Variants in KCNIP4 observed in about 807,000 individuals in gnomAD.
KCNIP4 encodes potassium voltage-gated channel interacting protein 4.
A neutral mutation model predicts 34.0 loss-of-function variants in KCNIP4; 12 were observed. The ratio of observed to expected loss-of-function variants is 0.35; its 90% CI spans 0.23 to 0.57. The LOEUF (loss-of-function observed/expected upper bound fraction) is 0.57. Ranked by LOEUF, KCNIP4 falls within the 20% of genes least tolerant of loss-of-function variation. The probability of loss-of-function intolerance (pLI) is 0.83; values close to 1 mark genes in which losing one functional copy is unlikely to be tolerated. For synonymous variants in KCNIP4, 124 were observed against 102.2 expected (o/e 1.21, Z -1.29); for missense variants, 238 against 311.7 (o/e 0.76, Z 1.78).
chr4:20,835,108 C>G (rs1430596099), intron 3 of KCNIP4, among the ~76,000 whole-genome samples: 1 of 152,196 alleles, frequency 6.6e-6, no homozygotes, highest in East Asian at 1.9e-4. Context: ...AGTCACCTCT[C>G]TGTCCTTATC....
In KCNIP4 at chr4:20,825,225, G is replaced by GTTT. The variant is rs71181592; in HGVS notation, c.288+25315_288+25317dup. The stretch of plus-strand genomic sequence containing the variant: ...AAAGGATTGACCTGGTCAATTTTAC[G>GTTT]TTTTTTTTTTTTTTTTTTTTTTTTG... On this transcript the variant is annotated intron_variant, in intron 3 of 8. Transcript: ENST00000382152. Among the ~76,000 whole-genome samples, 472 of 113,584 alleles carry GTTT rather than the reference G, an allele frequency of 4.2e-3. 17 individuals carry two copies. Among genetic ancestry groups the GTTT allele is most frequent in the African/African-American group, 0.013 (368 of 28,954 alleles). 74.5% of individuals were successfully genotyped at this position (113,584 alleles called of 152,430 possible). A position where few individuals can be genotyped will look rare whatever the true frequency, so the allele number is the denominator to read the frequency against.
chr4:21,656,389 T>C (rs1747938202), intron 1 of KCNIP4: 1 of 152,344 alleles, frequency 6.6e-6, no homozygotes, highest in East Asian at 1.9e-4. Context: ...TAAAGTTGCA[T>C]TCTGAAATAT....
intron 1 of KCNIP4, among the ~76,000 whole-genome samples, chr4:21,854,986 C>T (rs1560764579): frequency 6.6e-6 from 1 of 152,210 alleles, no homozygotes; most frequent in Non-Finnish European, 1.5e-5. Flanking sequence ...ATGGAAATGG[C>T]TGTTGATTTT....
At chr4:21,757,842 T>C (rs2109161726) in intron 1 of KCNIP4, among the ~76,000 whole-genome samples, 1 of 152,260 alleles carries the variant, frequency 6.6e-6, no homozygotes, top group Non-Finnish European at 1.5e-5. Flanking sequence ...ATAGAACTGT[T>C]CAGAACTTTT....
intron 1 of KCNIP4, among the ~76,000 whole-genome samples, chr4:21,279,231 G>T (rs1403104604): frequency 6.6e-6 from 1 of 152,120 alleles, no homozygotes; most frequent in East Asian, 1.9e-4. Context: ...CAAGGAAATT[G>T]CATCTATGAA....
chr4:21,063,549 T>A (rs1182751002), intron 1 of KCNIP4, among the ~76,000 whole-genome samples: 3 of 152,204 alleles, frequency 2.0e-5, no homozygotes, highest in Non-Finnish European at 4.4e-5. Context: ...GAGCAGAGGA[T>A]GCTAATCACA....
chr4:21,019,279 C>T (rs1415325968), intron 1 of KCNIP4, among the ~76,000 whole-genome samples: 2 of 152,014 alleles, frequency 1.3e-5, no homozygotes, highest in Non-Finnish European at 2.9e-5. Context: ...TCTCAACTTC[C>T]TGAGTAGCTG....
Position 21,264,570 on chromosome 4 carries a change from T to G in KCNIP4, c.62-381861A>C, listed in dbSNP as rs1240648593. ...CTGTGTAAAATGAGGATGAAAATAC[T>G]ACACCCACCATGCTCATCAAGGTGT... On this transcript the variant is annotated intron_variant, in intron 1 of 8. Coordinates refer to ENST00000382152, the MANE Select transcript of KCNIP4 (RefSeq NM_025221.6). 3.9e-5 allele frequency among the ~76,000 whole-genome samples: 6 copies of G among 152,188 alleles called. 1 individual carries two copies.
At chr4:21,724,660 T>A (rs1306777264) in intron 1 of KCNIP4, among the ~76,000 whole-genome samples, 1 of 152,070 alleles carries the variant, frequency 6.6e-6, no homozygotes, top group Non-Finnish European at 1.5e-5. Flanking sequence ...AAAGTTACTA[T>A]TAAATTCTTG....
intron 1 of KCNIP4, among the ~76,000 whole-genome samples, chr4:21,459,753 G>T (rs958283324): frequency 2.6e-5 from 4 of 151,932 alleles, no homozygotes; most frequent in Admixed American, 2.6e-4. Context: ...TATCATGATT[G>T]TCTTTTCTTT....
At position 20,777,816 on chromosome 4, in the gene KCNIP4, A is replaced by G. The variant is rs1426564212; in HGVS notation, c.289-18926T>C. Among the ~76,000 whole-genome samples the G allele has an allele frequency of 2.0e-5, 3 of 152,192 alleles. No individual in the cohort carries two copies. The East Asian group carries it at 5.8e-4, about 29-fold the overall frequency. On this transcript the variant is annotated intron_variant, in intron 3 of 8. Transcript: ENST00000382152. ...GAAGTTGGGAAACCAGTAATTAGAA[A>G]GGAGTTTGGAACTCAGGTCAGAGGT...
At chr4:21,225,657 C>T (rs763118256) in intron 1 of KCNIP4, among the ~76,000 whole-genome samples, 1 of 152,148 alleles carries the variant, frequency 6.6e-6, no homozygotes, top group Non-Finnish European at 1.5e-5. Context: ...GGTGCAGTAA[C>T]ATGAGCAATA....
intron 1 of KCNIP4, among the ~76,000 whole-genome samples, chr4:20,987,063 A>G (rs1446956892): frequency 1.3e-5 from 2 of 152,146 alleles, no homozygotes; most frequent in East Asian, 1.9e-4. Flanking sequence ...TTCCTGCTTC[A>G]TCTAAAAAGT....
intron 1 of KCNIP4, among the ~76,000 whole-genome samples, chr4:21,183,482 TTGG>T (rs1754997758): frequency 6.6e-6 from 1 of 151,466 alleles, no homozygotes; most frequent in African/African-American, 2.4e-5. Flanking sequence ...TTTTTTTTTT[TTGG>T]TTTTTGGAGA....
chr4:21,393,553 A>C (rs1369594474), intron 1 of KCNIP4, among the ~76,000 whole-genome samples: 1 of 152,190 alleles, frequency 6.6e-6, no homozygotes, highest in African/African-American at 2.4e-5. Flanking sequence ...CAAGGATTTC[A>C]GTATCTCAGA....
At chr4:21,807,500 A>G (rs1400669011) in intron 1 of KCNIP4, among the ~76,000 whole-genome samples, 2 of 152,214 alleles carry the variant, frequency 1.3e-5, no homozygotes, top group African/African-American at 4.8e-5. Flanking sequence ...AAATTAAATT[A>G]TGGTTACCTA....
intron 1 of KCNIP4, among the ~76,000 whole-genome samples, chr4:20,964,518 T>G (rs1035329056): frequency 6.6e-6 from 1 of 152,116 alleles, no homozygotes; most frequent in Non-Finnish European, 1.5e-5. Context: ...ATCGTCTTTT[T>G]TGGGGGGGAG....
At chr4:20,779,406 T>A (rs1756649802) in intron 3 of KCNIP4, among the ~76,000 whole-genome samples, 1 of 152,100 alleles carries the variant, frequency 6.6e-6, no homozygotes. Flanking sequence ...GGATTTTTGT[T>A]TGGTTTTCCC....
intron 1 of KCNIP4, among the ~76,000 whole-genome samples, chr4:21,497,039 A>T (rs986417517): frequency 1.3e-5 from 2 of 152,164 alleles, no homozygotes; most frequent in Non-Finnish European, 2.9e-5. Flanking sequence ...AAAGTAGATT[A>T]GTTGGATTTC....
Sources: allele counts gnomAD v4.1 joint callset (sites outside exome capture counted in the v4.1 genomes callset), GRCh38; gene constraint gnomAD v4.1.1; transcripts MANE v1.5; gene names NCBI Gene and HGNC (gene_info 2026-07-23, HGNC 2026-07-21).